Variants in LPP observed in about 807,000 individuals in gnomAD.
The protein encoded by LPP is LIM domain containing preferred translocation partner in lipoma.
A neutral mutation model predicts 60.4 loss-of-function variants in LPP; 38 were observed. The observed-to-expected ratio is 0.63, with a 90% CI of 0.49 to 0.83. LPP has a LOEUF of 0.83. Among genes scored for constraint, LPP ranks in the 40% least tolerant of loss-of-function variants. LPP has a pLI of 0.00. For missense variants in LPP, 902 were observed against 783.6 expected (o/e 1.15, Z -1.80); for synonymous variants, 328 against 290.8 (o/e 1.13, Z -1.30).
intron 9 of LPP, among the ~76,000 whole-genome samples, chr3:188,847,831 G>A (rs1761825057): frequency 6.6e-6 from 1 of 152,170 alleles, no homozygotes; most frequent in South Asian, 2.1e-4. Context: ...ACTGGGTAAT[G>A]TTATTTAATA....
At chr3:188,346,951 C>G (rs1036718865) in intron 3 of LPP, among the ~76,000 whole-genome samples, 3 of 152,252 alleles carry the variant, frequency 2.0e-5, no homozygotes, top group African/African-American at 7.2e-5. Flanking sequence ...AATATTGAAA[C>G]TCTTATTCTA....
rs940621006 is a variant in LPP, at chr3:188,874,797, G to A, written c.*318G>A. The A allele has an allele frequency of 1.1e-5, 3 of 261,424 alleles. No individual in the cohort carries two copies. The highest frequency in any genetic ancestry group is 2.2e-5 in the Non-Finnish European group (3 of 135,772). The allele number at this position is 261,424 out of a possible 1,614,324, so 16.2% of individuals were successfully genotyped here. On this transcript the variant is annotated 3_prime_UTR_variant, in exon 12 of 12. Transcript: ENST00000617246. The stretch of plus-strand genomic sequence containing the variant: ...TGTTTGTCTCACTTTTCATCTGGTT[G>A]AATGGCTTTTCTTAGTGTGGTATTT...
intron 8 of LPP, among the ~76,000 whole-genome samples, chr3:188,750,969 G>A (rs946791840): frequency 6.6e-6 from 1 of 152,140 alleles, no homozygotes; most frequent in Non-Finnish European, 1.5e-5. Context: ...GCCTTTTTAA[G>A]TTTTAGTATT....
intron 4 of LPP, among the ~76,000 whole-genome samples, chr3:188,428,277 A>G (rs1382354632): frequency 6.6e-6 from 1 of 152,128 alleles, no homozygotes; most frequent in Non-Finnish European, 1.5e-5. Context: ...AGATAAGCTG[A>G]GTACTTCAGT....
intron 9 of LPP, among the ~76,000 whole-genome samples, chr3:188,785,547 T>TATATATATATATACACACACACACACAC (rs1206082559): frequency 2.3e-5 from 1 of 43,836 alleles, no homozygotes; most frequent in Non-Finnish European, 4.1e-5. Flanking sequence ...TATATATATA[T>TATATATATATATACACACACACACACAC]ACACACACAC....
chr3:188,348,806 T>G (rs1765082691), intron 3 of LPP, among the ~76,000 whole-genome samples: 1 of 152,036 alleles, frequency 6.6e-6, no homozygotes, highest in South Asian at 2.1e-4. Flanking sequence ...TCAAGGCTAT[T>G]GCTGTGGTGT....
intron 2 of LPP, among the ~76,000 whole-genome samples, chr3:188,307,938 A>AGTGTGTGT (rs373759377): frequency 6.6e-6 from 1 of 151,808 alleles, no homozygotes; most frequent in African/African-American, 2.4e-5. Flanking sequence ...CTGGGGTGTA[A>AGTGTGTGT]GTGTGTGTGT....
intron 2 of LPP, among the ~76,000 whole-genome samples, chr3:188,265,106 A>G (rs967640354): frequency 1.3e-5 from 2 of 152,226 alleles, no homozygotes; most frequent in Admixed American, 6.5e-5. Flanking sequence ...GAGAAGAGAG[A>G]AAAGCAGCTT....
chr3:188,804,384 A>G (rs1470946864), intron 9 of LPP, among the ~76,000 whole-genome samples: 1 of 148,930 alleles, frequency 6.7e-6, no homozygotes, highest in East Asian at 2.0e-4. Context: ...TAAATTAGAA[A>G]TAGAAAGCCA....
At chr3:188,665,708 G>T (rs888308093) in intron 7 of LPP, among the ~76,000 whole-genome samples, 1 of 152,010 alleles carries the variant, frequency 6.6e-6, no homozygotes. Flanking sequence ...TGATCTGCCT[G>T]CCTCGGCCTC....
Position 188,866,314 on chromosome 3 carries a change from C to T in LPP, c.1525C>T (p.Leu509=), listed in dbSNP as rs774829764. 5.0e-6 allele frequency: 8 copies of T among 1,588,328 alleles called. No individual in the cohort carries two copies. Among genetic ancestry groups the T allele is most frequent in the Non-Finnish European group, 6.9e-6 (8 of 1,166,428 alleles). ...CFTCVMCHRS[L]DGIPFTVDAG... Reference sequence around the variant, plus strand: ...CACCTGCGTGATGTGCCACCGCAGCCTGGATGGGATCCCATTCACTGTGGA... The same window carrying T: ...CACCTGCGTGATGTGCCACCGCAGCTTGGATGGGATCCCATTCACTGTGGA... The change falls in exon 10 of 12, where the codon CTG becomes TTG. Residue 509 remains leucine (L), a synonymous_variant. Transcript: ENST00000617246.
At chr3:188,513,084 G>A (rs549389787) in intron 5 of LPP, among the ~76,000 whole-genome samples, 1 of 152,196 alleles carries the variant, frequency 6.6e-6, no homozygotes, top group African/African-American at 2.4e-5. Flanking sequence ...ATTATTTCAT[G>A]TTATTTTGTT....
Position 188,610,982 on chromosome 3 carries a change from C to A in LPP, c.1113+1138C>A, listed in dbSNP as rs1341154956. On this transcript the variant is annotated intron_variant, in intron 7 of 11. Coordinates refer to ENST00000617246, the MANE Select transcript of LPP (RefSeq NM_001375462.1). This position sits in a 1 kb window ranked among gnomAD's most constrained non-coding sequence, Gnocchi z 4.4. ...ACTGTATTTTTAAAAATTCTTTCCA[C>A]ATTTTTACAAGATTGTCCATTTCAA... is the stretch of plus-strand genomic sequence containing the variant. Among the ~76,000 whole-genome samples, 1 of 152,196 alleles carries A rather than the reference C, an allele frequency of 6.6e-6. No homozygotes were observed. The highest frequency in any genetic ancestry group is 1.5e-5 in the Non-Finnish European group (1 of 68,034).
At position 188,877,564 on chromosome 3, in the gene LPP, G is replaced by C. The variant is rs1178869641; in HGVS notation, c.*3085G>C. On this transcript the variant is annotated 3_prime_UTR_variant, in exon 12 of 12. Coordinates refer to ENST00000617246, the MANE Select transcript of LPP (RefSeq NM_001375462.1). The stretch of plus-strand genomic sequence containing the variant: ...AATTGCCTTTAAAACTCGAAAATAA[G>C]GCCAGGTGTGGTGACTCACACTTGT... The C allele has an allele frequency of 1.1e-5, 2 of 186,830 alleles. No homozygotes were observed. Among genetic ancestry groups the C allele is most frequent in the Non-Finnish European group, 2.3e-5 (2 of 88,468 alleles). The allele number at this position is 186,830 out of a possible 1,614,324, so 11.6% of individuals were successfully genotyped here. A position where few individuals can be genotyped will look rare whatever the true frequency, so the allele number is the denominator to read the frequency against.
intron 7 of LPP, among the ~76,000 whole-genome samples, chr3:188,704,393 G>A (rs911792743): frequency 6.6e-6 from 1 of 152,184 alleles, no homozygotes; most frequent in African/African-American, 2.4e-5. Flanking sequence ...CCACTGGCAA[G>A]TCCATTGATA....
Position 188,609,355 on chromosome 3 carries a change from C to A in LPP, c.624C>A (p.Ala208=). 2 of 1,614,146 alleles carry A rather than the reference C, an allele frequency of 1.2e-6. No individual in the cohort carries two copies. Among genetic ancestry groups the A allele is most frequent in the Non-Finnish European group, 1.7e-6 (2 of 1,180,018 alleles). The stretch of plus-strand genomic sequence containing the variant: ...AACCCCAGCCTCAGCCAGTCCCAGC[C>A]TCCTACACCACGGCCTCCACTTCTT... ...TLKPQPQPVP[A]SYTTASTSSR... is the part of the protein sequence containing the mutation. The change falls in exon 7 of 12, where the codon GCC becomes GCA. Residue 208 remains alanine (A), a synonymous_variant. Coordinates refer to ENST00000617246, the MANE Select transcript of LPP (RefSeq NM_001375462.1). This position sits in a 1 kb window ranked among gnomAD's most constrained non-coding sequence, Gnocchi z 6.9.
chr3:188,378,374 C>G (rs551096418), intron 3 of LPP, among the ~76,000 whole-genome samples: 1 of 152,212 alleles, frequency 6.6e-6, no homozygotes, highest in African/African-American at 2.4e-5. Context: ...GCTTCCTGGC[C>G]GCTTTGTTTA....
intron 7 of LPP, among the ~76,000 whole-genome samples, chr3:188,641,246 A>ATT (rs528139005): frequency 4.7e-4 from 72 of 152,322 alleles, no homozygotes; most frequent in African/African-American, 1.6e-3. Context: ...TCCACAGTCA[A>ATT]TTATCTCCAA....
chr3:188,466,804 AACATATATATATATATATATATATAT>A (rs1356369246), intron 4 of LPP, among the ~76,000 whole-genome samples: 2 of 72,938 alleles, frequency 2.7e-5, no homozygotes, highest in African/African-American at 9.7e-5. Flanking sequence ...GTCATCTCAG[AACATATATATATATATATATATATAT>A]ATATATATAT....
Sources: gnomAD v4.1 joint callset for allele counts (sites outside exome capture counted in the v4.1 genomes callset) on GRCh38, gnomAD v4.1.1 for gene constraint, Gnocchi (gnomAD v3.1) non-coding constraint, MANE v1.5 for transcripts, NCBI Gene and HGNC (gene_info 2026-07-23, HGNC 2026-07-21) for gene names.